TLE7: variants seen among roughly 807,000 people sequenced by gnomAD.
The protein encoded by TLE7 is transducin-like enhancer protein 7.
intron 1 of TLE7, among the ~76,000 whole-genome samples, chr16:71,440,579 A>T (rs1162646581): frequency 6.6e-6 from 1 of 152,236 alleles, no homozygotes; most frequent in Non-Finnish European, 1.5e-5. Context: ...GGGTCCTGCA[A>T]ATCCCAACAG....
At chr16:71,438,948 T>C (rs2042837298) in intron 1 of TLE7, among the ~76,000 whole-genome samples, 1 of 152,096 alleles carries the variant, frequency 6.6e-6, no homozygotes, top group Admixed American at 6.6e-5. Context: ...AGGGTAAAGT[T>C]GATTCCACGC....
chr16:71,430,802 T>C (rs769702967), intron 8 of TLE7, 61 bp from the exon 9 acceptor site: 49 of 398,038 alleles, frequency 1.2e-4, no homozygotes, highest in Non-Finnish European at 2.2e-4. Context: ...GTTCCAGCAC[T>C]GTCCCCAACC....
chr16:71,437,249 TG>T (rs2042829554), intron 1 of TLE7, among the ~76,000 whole-genome samples: 1 of 150,422 alleles, frequency 6.6e-6, no homozygotes, highest in Non-Finnish European at 1.5e-5. Context: ...CTTGGGAGGC[TG>T]AGGCACAAGA....
chr16:71,436,317 G>C (rs964490391), intron 1 of TLE7, among the ~76,000 whole-genome samples: 2 of 152,140 alleles, frequency 1.3e-5, no homozygotes, highest in Non-Finnish European at 2.9e-5. Flanking sequence ...TTAAACGTGA[G>C]CCTAATGGGT....
chr16:71,438,033 T>C (rs1440221978), intron 1 of TLE7, among the ~76,000 whole-genome samples: 1 of 152,082 alleles, frequency 6.6e-6, no homozygotes, highest in Non-Finnish European at 1.5e-5. Context: ...GAGTGCAGCG[T>C]GAAAGAAACA....
At position 71,433,402 on chromosome 16, in the gene TLE7, C is replaced by T. The variant is rs2042814986; in HGVS notation, c.-78G>A. ...AGACCCGCCAAACAGACACCAGGTT[C>T]CCAGTGTGTCCTGATCCCCTGTAAG... On this transcript the variant is annotated 5_prime_UTR_variant, in exon 2 of 10. Transcript: ENST00000561754. The T allele has an allele frequency of 2.5e-6, 1 of 398,204 alleles. No individual in the cohort carries two copies. The highest frequency in any genetic ancestry group is 1.3e-4 in the South Asian group (1 of 7,442). 24.7% of individuals were successfully genotyped at this position (398,204 alleles called of 1,614,324 possible). A position where few individuals can be genotyped will look rare whatever the true frequency, so the allele number is the denominator to read the frequency against.
chr16:71,433,692 G>A (rs967017918), intron 1 of TLE7, among the ~76,000 whole-genome samples: 3 of 152,184 alleles, frequency 2.0e-5, no homozygotes, highest in African/African-American at 4.8e-5. Context: ...GGGCACGGTG[G>A]CTCACACCTG....
chr16:71,436,992 C>T (rs1292104362), intron 1 of TLE7, among the ~76,000 whole-genome samples: 2 of 152,154 alleles, frequency 1.3e-5, no homozygotes, highest in Non-Finnish European at 2.9e-5. Context: ...GAGGCCGAGG[C>T]GGGCAGATCA....
chr16:71,430,521 G>A (rs1408776970), intron 9 of TLE7, 147 bp downstream of exon 9: 3 of 397,704 alleles, frequency 7.5e-6, no homozygotes, highest in Non-Finnish European at 1.3e-5. Flanking sequence ...TTCATAGGAT[G>A]TGAAGTCTTC....
intron 1 of TLE7, among the ~76,000 whole-genome samples, chr16:71,439,764 C>T (rs530265054): frequency 1.3e-5 from 2 of 152,280 alleles, no homozygotes; most frequent in African/African-American, 4.8e-5. Flanking sequence ...AACCCTCCTA[C>T]GTTGCTGATA....
rs1032207666 is a variant in TLE7 at position 71,430,223 on chromosome 16, A to C, written c.*39T>G. Reference sequence around the variant, plus strand: ...CATCCTCACAGCCACACCAGCCCAAAGACTGGGTCTTCACTGGCAGGACCA... The same window carrying C: ...CATCCTCACAGCCACACCAGCCCAACGACTGGGTCTTCACTGGCAGGACCA... On this transcript the variant is annotated 3_prime_UTR_variant, in exon 10 of 10. Transcript: ENST00000561754. 1.4e-4 allele frequency: 57 copies of C among 398,654 alleles called. 1 individual carries two copies. The highest frequency in any genetic ancestry group is 1.1e-3 in the African/African-American group (55 of 48,740). 24.7% of individuals were successfully genotyped at this position (398,654 alleles called of 1,614,324 possible).
intron 1 of TLE7, among the ~76,000 whole-genome samples, chr16:71,434,387 T>A (rs1232948074): frequency 6.6e-6 from 1 of 152,176 alleles, no homozygotes; most frequent in Non-Finnish European, 1.5e-5. Context: ...AGGAAGGCCC[T>A]GGAGAGACCC....
chr16:71,432,021 A>T lies in TLE7; in HGVS notation c.610-19T>A, dbSNP rs1412513546. The T allele has an allele frequency of 2.5e-6, 1 of 400,726 alleles. No homozygotes were observed. The highest frequency in any genetic ancestry group is 4.4e-6 in the Non-Finnish European group (1 of 226,314). The allele number at this position is 400,726 out of a possible 1,614,324, so 24.8% of individuals were successfully genotyped here. A position where few individuals can be genotyped will look rare whatever the true frequency, so the allele number is the denominator to read the frequency against. On this transcript the variant is annotated intron_variant, in intron 5 of 9. Transcript: ENST00000561754. Reference sequence around the variant, plus strand: ...GGGGATGCTGTAAGGAAGGGTTCACACACTGGTATCCCCTTGGGGCACCGA... The same window carrying T: ...GGGGATGCTGTAAGGAAGGGTTCACTCACTGGTATCCCCTTGGGGCACCGA...
At chr16:71,435,141 G>A (rs966181066) in intron 1 of TLE7, among the ~76,000 whole-genome samples, 7 of 152,160 alleles carry the variant, frequency 4.6e-5, no homozygotes, top group African/African-American at 1.2e-4. Flanking sequence ...GGCTAGGCAC[G>A]GTAGCTCACG....
intron 1 of TLE7, among the ~76,000 whole-genome samples, chr16:71,440,910 C>A (rs1464821131): frequency 6.6e-6 from 1 of 152,196 alleles, no homozygotes; most frequent in Admixed American, 6.5e-5. Context: ...TCACGGGGAG[C>A]CCCAACTCCC....
At chr16:71,439,482 T>C (rs1419900262) in intron 1 of TLE7, among the ~76,000 whole-genome samples, 2 of 151,280 alleles carry the variant, frequency 1.3e-5, no homozygotes, top group Non-Finnish European at 2.9e-5. Context: ...TTGGAAGGCA[T>C]TTGGGGGTGG....
rs1279671512 is a variant in TLE7, at chr16:71,431,880, C to T, written c.732G>A (p.Gln244=). ...DLAPTPQVRA[Q]LTSTGPTCYS... is the part of the protein sequence containing the mutation. ...AGCACGTGGGGCCCGTCGAGGTCAG[C>T]TGTGCCCTGACCTGGGGGGTGGGTG... The change falls in exon 6 of 10, where the codon CAG becomes CAA. Residue 244 remains glutamine (Q), a synonymous_variant. Coordinates refer to ENST00000561754, the MANE Select transcript of TLE7 (RefSeq NM_001367365.2). The surrounding 1 kb of genome is among the most constrained non-coding windows in gnomAD (Gnocchi z 4.5). 1.7e-5 allele frequency: 7 copies of T among 400,632 alleles called. No homozygotes were observed. Among genetic ancestry groups the T allele is most frequent in the Non-Finnish European group, 3.1e-5 (7 of 226,284 alleles). The allele number at this position is 400,632 out of a possible 1,614,324, so 24.8% of individuals were successfully genotyped here. A position where few individuals can be genotyped will look rare whatever the true frequency, so the allele number is the denominator to read the frequency against.
intron 1 of TLE7, among the ~76,000 whole-genome samples, chr16:71,433,952 C>T (rs4644867): frequency 0.34 from 52,213 of 152,014 alleles, 10,554 homozygotes; most frequent in African/African-American, 0.55. Flanking sequence ...AGCAAGACTC[C>T]GTCTCAAAAA....
intron 1 of TLE7, among the ~76,000 whole-genome samples, chr16:71,434,154 G>A (rs899777049): frequency 1.3e-5 from 2 of 152,176 alleles, no homozygotes; most frequent in African/African-American, 4.8e-5. Context: ...ATCTAATGAT[G>A]AAGTTGGCTT....
Sources: gnomAD v4.1 joint callset for allele counts (sites outside exome capture counted in the v4.1 genomes callset) on GRCh38, gnomAD v4.1.1 for gene constraint, Gnocchi (gnomAD v3.1) non-coding constraint, MANE v1.5 for transcripts, NCBI Gene and HGNC (gene_info 2026-07-23, HGNC 2026-07-21) for gene names.